The following DYM variants were observed in gnomAD, a reference collection of about 807,000 sequenced individuals.
The protein encoded by DYM is dyggve-Melchior-Clausen syndrome protein.
DYM carries 78 observed loss-of-function variants against 93.1 expected under a neutral mutation model. The observed-to-expected ratio is 0.84, with a 90% CI of 0.70 to 1.01. The LOEUF (loss-of-function observed/expected upper bound fraction) is 1.01. Ranked by LOEUF, DYM falls within the 50% of genes least tolerant of loss-of-function variation. The pLI, the probability that DYM is intolerant of heterozygous loss-of-function variation, is 0.00. For synonymous variants in DYM, 321 were observed against 319.7 expected (o/e 1.00, Z -0.04); for missense variants, 789 against 845.0 (o/e 0.93, Z 0.82).
intron 2 of DYM, 87 bp from the exon 3 acceptor site, chr18:49,391,732 G>A: frequency 8.4e-7 from 1 of 1,194,156 alleles, no homozygotes; most frequent in Non-Finnish European, 1.2e-6. Flanking sequence ...ATAAAGATAA[G>A]AAAAATAATT....
At chr18:49,093,672 G>T (rs911898072) in intron 17 of DYM, among the ~76,000 whole-genome samples, 1 of 152,130 alleles carries the variant, frequency 6.6e-6, no homozygotes, top group Non-Finnish European at 1.5e-5. Flanking sequence ...GTGGATGTGT[G>T]GGGAGGCAGA....
At chr18:49,100,320 A>C (rs2145616713) in intron 16 of DYM, among the ~76,000 whole-genome samples, 1 of 152,270 alleles carries the variant, frequency 6.6e-6, no homozygotes, top group South Asian at 2.1e-4. Context: ...ATCAGAGTTA[A>C]AGGGAACTCA....
chr18:49,238,405 C>T (rs902299138), intron 13 of DYM, among the ~76,000 whole-genome samples: 2 of 151,762 alleles, frequency 1.3e-5, no homozygotes, highest in African/African-American at 2.4e-5. Flanking sequence ...ATGGATCTGG[C>T]TTGAATTAAT....
intron 8 of DYM, among the ~76,000 whole-genome samples, chr18:49,317,469 G>A (rs1178140519): frequency 6.6e-6 from 1 of 151,294 alleles, no homozygotes; most frequent in African/African-American, 2.4e-5. Context: ...AAGTGGGCCT[G>A]GAAATGAAGG....
chr18:49,352,218 T>C (rs964084516), intron 6 of DYM, among the ~76,000 whole-genome samples: 24 of 152,210 alleles, frequency 1.6e-4, no homozygotes, highest in Admixed American at 1.3e-3. Flanking sequence ...GGCTGAGAAA[T>C]GAAGAGTGAC....
chr18:49,044,636 C>T (rs1471316033), intron 17 of DYM, among the ~76,000 whole-genome samples: 1 of 152,246 alleles, frequency 6.6e-6, no homozygotes, highest in East Asian at 1.9e-4. Flanking sequence ...GGACCTTCCC[C>T]TTCACAATCC....
At chr18:49,297,108 T>G (rs1719854252) in intron 8 of DYM, among the ~76,000 whole-genome samples, 1 of 152,234 alleles carries the variant, frequency 6.6e-6, no homozygotes, top group Non-Finnish European at 1.5e-5. Context: ...GTTCTAAATA[T>G]AGGTGTCAAT....
intron 5 of DYM, among the ~76,000 whole-genome samples, chr18:49,370,236 C>T (rs1296802829): frequency 6.6e-6 from 1 of 151,014 alleles, no homozygotes; most frequent in Non-Finnish European, 1.5e-5. Context: ...CAAGGTCGCA[C>T]CACTGCACTT....
At chr18:49,264,356 C>A (rs1434020935) in intron 11 of DYM, among the ~76,000 whole-genome samples, 1 of 151,910 alleles carries the variant, frequency 6.6e-6, no homozygotes, top group Non-Finnish European at 1.5e-5. Flanking sequence ...TTTCTGTATA[C>A]AATTTGAGGA....
At chr18:49,264,150 A>G (rs943197424) in intron 11 of DYM, among the ~76,000 whole-genome samples, 1 of 148,008 alleles carries the variant, frequency 6.8e-6, no homozygotes, top group Admixed American at 6.8e-5. Flanking sequence ...AGCTCTACGC[A>G]TTCATTCTAG....
intron 1 of DYM, among the ~76,000 whole-genome samples, chr18:49,444,824 A>G (rs2081966126): frequency 6.6e-6 from 1 of 152,222 alleles, no homozygotes; most frequent in Non-Finnish European, 1.5e-5. Context: ...AATATGCTCT[A>G]TTAAAACCAT....
At chr18:49,226,217 A>G (rs1256563214) in intron 13 of DYM, among the ~76,000 whole-genome samples, 1 of 152,168 alleles carries the variant, frequency 6.6e-6, no homozygotes, top group African/African-American at 2.4e-5. Flanking sequence ...ATGTACAGGG[A>G]ACTCATTAAG....
chr18:49,402,200 AG>A (rs2070932387), intron 2 of DYM, among the ~76,000 whole-genome samples: 1 of 152,202 alleles, frequency 6.6e-6, no homozygotes, highest in Non-Finnish European at 1.5e-5. Flanking sequence ...CATGAAGTGT[AG>A]GTTGCAGAGA....
Position 49,286,480 on chromosome 18 carries a change from C to A in DYM, c.900G>T (p.Ala300=), listed in dbSNP as rs142473333. 5.0e-6 allele frequency: 8 copies of A among 1,614,082 alleles called. No individual in the cohort carries two copies. Among genetic ancestry groups the A allele is most frequent in the Non-Finnish European group, 6.8e-6 (8 of 1,179,994 alleles). ...VLANLTDASD[A]PNPYRQAIMS... The stretch of plus-strand genomic sequence containing the variant: ...TAATGGCTTGTCTGTAGGGGTTTGG[C>A]GCATCTGAGGCATCTGTCAGATTGG... Residue 300 remains alanine, a synonymous_variant, in exon 9 of 18, where the codon GCG becomes GCT. Coordinates refer to ENST00000675505, the MANE Select transcript of DYM (RefSeq NM_001353214.3).
At chr18:49,326,985 A>T (rs1221730373) in intron 8 of DYM, among the ~76,000 whole-genome samples, 5 of 122,644 alleles carry the variant, frequency 4.1e-5, no homozygotes, top group East Asian at 2.5e-4. Context: ...AAATGATTTT[A>T]AAAAACCGTG....
chr18:49,339,638 A>G (rs910135575), intron 6 of DYM, among the ~76,000 whole-genome samples: 2 of 152,202 alleles, frequency 1.3e-5, no homozygotes, highest in Non-Finnish European at 2.9e-5. Context: ...GGCGTCCCCC[A>G]GCTGAGGCTT....
chr18:49,101,848 G>A (rs1489294534), intron 16 of DYM, among the ~76,000 whole-genome samples: 1 of 152,142 alleles, frequency 6.6e-6, no homozygotes. Flanking sequence ...GAAAGACACA[G>A]TGTAATTTGT....
At chr18:49,188,199 C>G (rs1386653406) in intron 14 of DYM, among the ~76,000 whole-genome samples, 3 of 152,148 alleles carry the variant, frequency 2.0e-5, no homozygotes, top group Non-Finnish European at 4.4e-5. Context: ...AAAACCACCA[C>G]CAGTTTGACT....
intron 6 of DYM, among the ~76,000 whole-genome samples, chr18:49,341,170 G>A (rs143466750): frequency 6.6e-6 from 1 of 152,116 alleles, no homozygotes; most frequent in Non-Finnish European, 1.5e-5. Flanking sequence ...AATTCCAAAT[G>A]AATTCACAGA....
Sources: allele counts gnomAD v4.1 joint callset (sites outside exome capture counted in the v4.1 genomes callset), GRCh38; gene constraint gnomAD v4.1.1; transcripts MANE v1.5; gene names NCBI Gene and HGNC (gene_info 2026-07-23, HGNC 2026-07-21).